The following STARD8 variants were observed in gnomAD, a reference collection of about 807,000 sequenced individuals.
STARD8 encodes the protein stAR-related lipid transfer protein 8.
A neutral mutation model predicts 69.4 loss-of-function variants in STARD8; 25 were observed. That is an observed-to-expected ratio of 0.36 (90% CI 0.26 to 0.50). The LOEUF (loss-of-function observed/expected upper bound fraction) is 0.50. Among genes scored for constraint, STARD8 ranks in the 20% least tolerant of loss-of-function variants. The pLI is 0.96. For missense variants in STARD8, 921 were observed against 932.5 expected (o/e 0.99, Z 0.16); for synonymous variants, 389 against 374.6 (o/e 1.04, Z -0.45).
intron 2 of STARD8, among the ~76,000 whole-genome samples, chrX:68,711,626 C>T (rs1364689063): frequency 1.8e-5 from 2 of 112,228 alleles, no homozygotes; most frequent in African/African-American, 6.5e-5. Context: ...CCCACTCTTC[C>T]CTCCACTGTC....
intron 1 of STARD8, among the ~76,000 whole-genome samples, chrX:68,648,172 G>T (rs955660059): frequency 4.5e-5 from 5 of 112,276 alleles, no homozygotes; most frequent in African/African-American, 1.3e-4. Flanking sequence ...CGCCTCTGTT[G>T]CTTCCTGGAT....
At chrX:68,715,878 G>C (rs983509841) in intron 4 of STARD8, among the ~76,000 whole-genome samples, 2 of 112,253 alleles carry the variant, frequency 1.8e-5, no homozygotes, top group African/African-American at 3.2e-5. Context: ...AAAATGCAAA[G>C]ACTTTTTAGC....
At chrX:68,721,803 C>G in intron 10 of STARD8, 57 bp downstream of exon 10, 1 of 1,126,135 alleles carries the variant, frequency 8.9e-7, no homozygotes, top group Non-Finnish European at 1.2e-6. Flanking sequence ...TTGGGCCCCA[C>G]TGGACTTTTG....
chrX:68,682,765 G>A (rs758703473), intron 2 of STARD8, among the ~76,000 whole-genome samples: 1 of 112,781 alleles, frequency 8.9e-6, no homozygotes, highest in Admixed American at 9.3e-5. Flanking sequence ...TCTTGTGAGA[G>A]AGAAGTGCAC....
Position 68,647,803 on chromosome X carries a change from C to T in STARD8, c.-80C>T, listed in dbSNP as rs2079524108. The T allele has an allele frequency of 8.7e-7, 1 of 1,143,956 alleles. No homozygotes were observed. The highest frequency in any genetic ancestry group is 1.8e-5 in the African/African-American group (1 of 55,600). 94.3% of individuals were successfully genotyped at this position (1,143,956 alleles called of 1,213,427 possible). On this transcript the variant is annotated 5_prime_UTR_variant, in exon 1 of 15. Transcript: ENST00000374599. ...CTGGCTCTCGCCGAGCCCCGGGCCT[C>T]TTTTAGCCTCGTCCCCAGAGAGGGA...
At chrX:68,690,605 C>T (rs771801602) in intron 2 of STARD8, among the ~76,000 whole-genome samples, 1 of 112,272 alleles carries the variant, frequency 8.9e-6, no homozygotes, top group Non-Finnish European at 1.9e-5. Context: ...CATCCTGCCA[C>T]CTGCCACAGT....
intron 1 of STARD8, among the ~76,000 whole-genome samples, chrX:68,654,448 C>G (rs1318839335): frequency 4.5e-5 from 5 of 111,657 alleles, no homozygotes; most frequent in Non-Finnish European, 9.4e-5. Context: ...GTCGTGTGGA[C>G]TGGGAAGGCT....
intron 2 of STARD8, among the ~76,000 whole-genome samples, chrX:68,666,401 G>T (rs1458594483): frequency 1.8e-5 from 2 of 112,178 alleles, no homozygotes; most frequent in Non-Finnish European, 3.8e-5. Context: ...TAGGATTGGG[G>T]TTGCCAAAAC....
At chrX:68,656,193 A>G (rs1046816635) in intron 1 of STARD8, 3 of 112,436 alleles carry the variant, frequency 2.7e-5, no homozygotes, top group African/African-American at 9.7e-5. Context: ...TGTGTTGACC[A>G]TGAGAAAGTT....
chrX:68,679,186 T>C (rs1245283790), intron 2 of STARD8, among the ~76,000 whole-genome samples: 2 of 111,987 alleles, frequency 1.8e-5, no homozygotes, highest in Non-Finnish European at 3.8e-5. Flanking sequence ...AAAACTTCGT[T>C]AGATGCAGAC....
chrX:68,694,172 C>T (rs900579434), intron 2 of STARD8, among the ~76,000 whole-genome samples: 1 of 112,864 alleles, frequency 8.9e-6, no homozygotes, highest in African/African-American at 3.2e-5. Flanking sequence ...TGCAGCTGGC[C>T]GGGGGCGGCA....
At chrX:68,690,656 C>T (rs549243153) in intron 2 of STARD8, among the ~76,000 whole-genome samples, 1 of 112,182 alleles carries the variant, frequency 8.9e-6, no homozygotes, top group South Asian at 3.6e-4. Context: ...TCTACTCTAC[C>T]CAGTGGGTAT....
chrX:68,647,793 C>T lies in STARD8; in HGVS notation c.-90C>T. The T allele has an allele frequency of 3.6e-6, 4 of 1,101,843 alleles. No homozygotes were observed. The highest frequency in any genetic ancestry group is 4.9e-6 in the Non-Finnish European group (4 of 819,344). The allele number at this position is 1,101,843 out of a possible 1,213,427, so 90.8% of individuals were successfully genotyped here. A position where few individuals can be genotyped will look rare whatever the true frequency, so the allele number is the denominator to read the frequency against. ...AGGGACCGGGCTGGCTCTCGCCGAG[C>T]CCCGGGCCTCTTTTAGCCTCGTCCC... On this transcript the variant is annotated 5_prime_UTR_variant, in exon 1 of 15. Coordinates refer to ENST00000374599, the MANE Select transcript of STARD8 (RefSeq NM_001142503.3).
Position 68,717,623 on chromosome X carries a change from G to C in STARD8, c.709G>C (p.Glu237Gln), listed in dbSNP as rs2080103896. ...GCCCAAGCATAGTCCAGCCACCTCA[G>C]AGAAGGTCTCCAAAGCCTCATCTTT... ...AEPKHSPATS[E>Q]KVSKASSFRS... The change falls in exon 6 of 15, where the codon GAG becomes CAG. Residue 237 changes from glutamate (E) to glutamine (Q), a missense_variant. Glu to Gln is a conservative substitution (Grantham distance 29). Transcript: ENST00000374599. The C allele has an allele frequency of 8.3e-7, 1 of 1,210,693 alleles. No individual in the cohort carries two copies. Among genetic ancestry groups the C allele is most frequent in the African/African-American group, 1.7e-5 (1 of 57,393 alleles).
At chrX:68,661,443 A>T (rs1033373555) in intron 1 of STARD8, among the ~76,000 whole-genome samples, 26 of 111,822 alleles carry the variant, frequency 2.3e-4, no homozygotes, top group African/African-American at 8.5e-4. Context: ...TTGCCTGGCA[A>T]CTGTATCTCC....
intron 8 of STARD8, 22 bp from the exon 9 acceptor site, chrX:68,720,902 C>T: frequency 8.3e-7 from 1 of 1,199,772 alleles, no homozygotes; most frequent in Admixed American, 2.2e-5. Context: ...TCCTCACTCC[C>T]TCCCTCCCCT....
intron 1 of STARD8, among the ~76,000 whole-genome samples, chrX:68,653,168 A>C (rs2079575662): frequency 1.8e-5 from 1 of 54,636 alleles, no homozygotes; most frequent in Non-Finnish European, 3.4e-5. Context: ...CACACACACC[A>C]CACACACACA....
intron 1 of STARD8, among the ~76,000 whole-genome samples, chrX:68,652,189 T>A (rs1218594473): frequency 9.1e-6 from 1 of 109,970 alleles, no homozygotes; most frequent in Non-Finnish European, 1.9e-5. Context: ...TGACATGGAG[T>A]AGGTGGTCAA....
At chrX:68,703,376 G>A (rs1002585295) in intron 2 of STARD8, among the ~76,000 whole-genome samples, 1 of 112,934 alleles carries the variant, frequency 8.9e-6, no homozygotes, top group Non-Finnish European at 1.9e-5. Context: ...GCCCTACAGA[G>A]CTGTAAGACC....
Sources: gnomAD v4.1 joint callset for allele counts (sites outside exome capture counted in the v4.1 genomes callset) on GRCh38, gnomAD v4.1.1 for gene constraint, MANE v1.5 for transcripts, NCBI Gene and HGNC (gene_info 2026-07-23, HGNC 2026-07-21) for gene names.